THYN1: variants seen among roughly 807,000 people sequenced by gnomAD.
THYN1 encodes the protein thymocyte nuclear protein 1.
THYN1 carries 32 observed loss-of-function variants against 30.6 expected under a neutral mutation model. That is an observed-to-expected ratio of 1.05 (90% confidence interval 0.79 to 1.40). The LOEUF is 1.40. Ranked by LOEUF, THYN1 falls within the 40% of genes most tolerant of loss-of-function variation. THYN1 has a pLI of 0.00. For missense variants in THYN1, 259 were observed against 272.6 expected (o/e 0.95, Z 0.35); for synonymous variants, 107 against 90.8 (o/e 1.18, Z -1.01).
chr11:134,251,525 G>A (rs1416243471), intron 1 of THYN1: 14 of 537,196 alleles, frequency 2.6e-5, no homozygotes, highest in Admixed American at 3.6e-5. Flanking sequence ...TATTCAATAG[G>A]GTAAGAACAC....
At position 134,253,176 on chromosome 11, in the gene THYN1, G is replaced by A. The variant is rs573453566; in HGVS notation, c.-294C>T. On this transcript the variant is annotated 5_prime_UTR_variant, in exon 1 of 7. Coordinates refer to ENST00000341541, the MANE Select transcript of THYN1 (RefSeq NM_014174.3). ...CTCAGTATGTAGTTCACTGGGAAGTGGCTCCACAGAGACACTTTTGTTGGG... is the reference window on the plus strand; with the variant it reads ...CTCAGTATGTAGTTCACTGGGAAGTAGCTCCACAGAGACACTTTTGTTGGG... 7.5e-7 allele frequency: 1 copy of A among 1,335,640 alleles called. No homozygotes were observed. Among genetic ancestry groups the A allele is most frequent in the South Asian group, 1.9e-5 (1 of 52,268 alleles). 82.7% of individuals were successfully genotyped at this position (1,335,640 alleles called of 1,614,324 possible).
chr11:134,250,439 G>A (rs1212975641), intron 2 of THYN1, 96 bp from the exon 3 acceptor site: 4 of 1,326,478 alleles, frequency 3.0e-6, no homozygotes, highest in African/African-American at 1.4e-5. Flanking sequence ...AAATGAGAGG[G>A]GCCACTGGCT....
intron 3 of THYN1, 66 bp from the exon 4 acceptor site, chr11:134,249,986 A>G: frequency 6.7e-7 from 1 of 1,488,938 alleles, no homozygotes; most frequent in Non-Finnish European, 9.2e-7. Context: ...TTTAGCAGAA[A>G]TCAAGTCTGC....
At chr11:134,252,054 A>G (rs1939093979) in intron 1 of THYN1, among the ~76,000 whole-genome samples, 1 of 152,202 alleles carries the variant, frequency 6.6e-6, no homozygotes, top group African/African-American at 2.4e-5. Context: ...CACATCCAGT[A>G]ATGGTGGAAT....
chr11:134,248,470 C>T lies in THYN1; in HGVS notation c.646G>A (p.Val216Ile). ...GGTTCCTTTTCCTCCAGGCTCAAAACAAAATCAAACTCTTCTACAAAAAAA... is the reference window on the plus strand; with the variant it reads ...GGTTCCTTTTCCTCCAGGCTCAAAATAAAATCAAACTCTTCTACAAAAAAA... ...QPLTQEEFDF[V>I]LSLEEKEPS The change falls in exon 7 of 7, where the codon GTT becomes ATT. Residue 216 changes from valine (V) to isoleucine (I), a missense_variant. Physicochemically the swap from Val to Ile is conservative, Grantham distance 29. Transcript: ENST00000341541. 1 of 1,612,452 alleles carries T rather than the reference C, an allele frequency of 6.2e-7. No individual in the cohort carries two copies.
rs372783800 is a variant in THYN1, at chr11:134,248,980, T to A, written c.481-21A>T. On this transcript the variant is annotated intron_variant, in intron 5 of 6. Transcript: ENST00000341541. ...TCCACCTATGTGACAACAGTGTACA[T>A]GACAGAAAGACGTGTCTAGGCTGAC... 3.1e-6 allele frequency: 5 copies of A among 1,613,826 alleles called. No homozygotes were observed. The South Asian group carries it at 5.5e-5, about 18-fold the overall frequency.
chr11:134,252,862 C>A lies in THYN1; in HGVS notation c.21G>T (p.Arg7Ser), dbSNP rs1192196259. Reference protein sequence around the residue: MSRPRKRLAGTSGSDKG... With the variant: MSRPRKSLAGTSGSDKG... ...CACCTGAACCAGAAGTCCCAGCCAGCCTCTTCCGGGGTCTCGACATGGTCA... is the reference window on the plus strand; with the variant it reads ...CACCTGAACCAGAAGTCCCAGCCAGACTCTTCCGGGGTCTCGACATGGTCA... The change falls in exon 1 of 7, where the codon AGG becomes AGT. Residue 7 changes from arginine (R) to serine (S), a missense_variant. Arg to Ser is a moderately radical substitution (Grantham distance 110, BLOSUM62 -1). Transcript: ENST00000341541. 6.2e-7 allele frequency: 1 copy of A among 1,608,918 alleles called. No homozygotes were observed. The highest frequency in any genetic ancestry group is 2.2e-5 in the East Asian group (1 of 44,748).
Position 134,248,962 on chromosome 11 carries a change from ATG to A in THYN1, c.481-5_481-4del. On this transcript the variant is annotated splice_polypyrimidine_tract_variant and splice_region_variant and intron_variant, in intron 5 of 6. Coordinates refer to ENST00000341541, the MANE Select transcript of THYN1 (RefSeq NM_014174.3). The stretch of plus-strand genomic sequence containing the variant: ...ATCCGAACAAACTGTACATCCACCT[ATG>A]TGACAACAGTGTACATGACAGAAAG... 6.2e-7 allele frequency: 1 copy of A among 1,614,202 alleles called. No homozygotes were observed. Among genetic ancestry groups the A allele is most frequent in the African/African-American group, 1.3e-5 (1 of 75,060 alleles).
rs1939194088 is a variant in THYN1, at chr11:134,252,993, G to A, written c.-111C>T. ...GCAGAGCGAGATGGAGGCAACGAGAGGCAGCCTAGAACGTCTCCAACTTTT... is the reference window on the plus strand; with the variant it reads ...GCAGAGCGAGATGGAGGCAACGAGAAGCAGCCTAGAACGTCTCCAACTTTT... On this transcript the variant is annotated 5_prime_UTR_variant, in exon 1 of 7. Transcript: ENST00000341541. 2 of 1,480,538 alleles carry A rather than the reference G, an allele frequency of 1.4e-6. No homozygotes were observed. The highest frequency in any genetic ancestry group is 2.5e-5 in the Admixed American group (1 of 39,966). 91.7% of individuals were successfully genotyped at this position (1,480,538 alleles called of 1,614,324 possible).
chr11:134,250,543 GC>G (rs1247757160), intron 2 of THYN1, among the ~76,000 whole-genome samples, 200 bp from the exon 3 acceptor site: 114 of 152,196 alleles, frequency 7.5e-4, no homozygotes, highest in African/African-American at 2.6e-3. Context: ...TGTTATCCTT[GC>G]TAATTATGAG....
At position 134,249,928 on chromosome 11, in the gene THYN1, G is replaced by T. The variant is rs370670580; in HGVS notation, c.292-8C>A. ...TCTAAGGAAGTTCCGAGCCTGTCCC[G>T]GGAGAAGAAAGAGTAACTATCCTCC... On this transcript the variant is annotated splice_region_variant and splice_polypyrimidine_tract_variant and intron_variant, in intron 3 of 6. Transcript: ENST00000341541. 6.2e-7 allele frequency: 1 copy of T among 1,610,294 alleles called. No homozygotes were observed. Among genetic ancestry groups the T allele is most frequent in the South Asian group, 1.1e-5 (1 of 90,732 alleles).
chr11:134,249,744 C>T, intron 4 of THYN1, 84 bp downstream of exon 4: 2 of 1,359,900 alleles, frequency 1.5e-6, no homozygotes, highest in Admixed American at 4.0e-5. Context: ...TTTTTGTTGC[C>T]TAATTAAGGT....
chr11:134,253,032 G>C lies in THYN1; in HGVS notation c.-150C>G. ...TCTCCAACTTTTGCGAAACACAGAC[G>C]CCTACGTTTGAGCCCTCAAATCCTT... On this transcript the variant is annotated 5_prime_UTR_variant, in exon 1 of 7. Coordinates refer to ENST00000341541, the MANE Select transcript of THYN1 (RefSeq NM_014174.3). 10 of 1,416,820 alleles carry C rather than the reference G, an allele frequency of 7.1e-6. No individual in the cohort carries two copies. Among genetic ancestry groups the C allele is most frequent in the Non-Finnish European group, 9.2e-6 (10 of 1,091,148 alleles). The allele number at this position is 1,416,820 out of a possible 1,614,324, so 87.8% of individuals were successfully genotyped here.
rs1938906865 is a variant in THYN1, at chr11:134,248,834, T to C, written c.606A>G (p.Arg202=). ...LKNMVLFTRQ[R]LSIQPLTQEE... ...CCTGGGTCAGGGGCTGGATTGATAA[T>C]CTCTGGCGAGTGAAGAGAACCATAT... The change falls in exon 6 of 7, where the codon AGA becomes AGG. Residue 202 remains arginine, a synonymous_variant. Transcript: ENST00000341541. The C allele has an allele frequency of 1.2e-6, 2 of 1,614,068 alleles. No homozygotes were observed. Among genetic ancestry groups the C allele is most frequent in the Admixed American group, 3.3e-5 (2 of 60,002 alleles).
At chr11:134,252,768 A>G (rs1939161933) in intron 1 of THYN1, 72 bp downstream of exon 1, 1 of 1,553,922 alleles carries the variant, frequency 6.4e-7, no homozygotes, top group South Asian at 1.1e-5. Context: ...GGAGTGAAAA[A>G]TGAGTACTAA....
chr11:134,248,444 T>C lies in THYN1; in HGVS notation c.672A>G (p.Pro224=), dbSNP rs1266919115. Reference sequence around the variant, plus strand: ...TCCAGCAGCAGTATCTCAGTTAACTTGGTTCCTTTTCCTCCAGGCTCAAAA... The same window carrying C: ...TCCAGCAGCAGTATCTCAGTTAACTCGGTTCCTTTTCCTCCAGGCTCAAAA... The part of the protein sequence containing the change: ...DFVLSLEEKE[P]S Residue 224 remains proline, a synonymous_variant, in exon 7 of 7, where the codon CCA becomes CCG. Coordinates refer to ENST00000341541, the MANE Select transcript of THYN1 (RefSeq NM_014174.3). The C allele has an allele frequency of 2.5e-6, 4 of 1,613,958 alleles. No individual in the cohort carries two copies.
At position 134,248,451 on chromosome 11, in the gene THYN1, T is replaced by A. The variant is rs1195893595; in HGVS notation, c.665A>T (p.Lys222Met). The A allele has an allele frequency of 3.1e-6, 5 of 1,614,026 alleles. No individual in the cohort carries two copies. The highest frequency in any genetic ancestry group is 4.2e-6 in the Non-Finnish European group (5 of 1,179,980). ...GCAGTATCTCAGTTAACTTGGTTCC[T>A]TTTCCTCCAGGCTCAAAACAAAATC... Reference protein sequence around the residue: ...EFDFVLSLEEKEPS With the variant: ...EFDFVLSLEEMEPS The change falls in exon 7 of 7, where the codon AAG (lysine) becomes ATG (methionine). Residue 222 changes from lysine (K) to methionine (M), a missense_variant. Transcript: ENST00000341541.
intron 1 of THYN1, chr11:134,251,533 C>A: frequency 1.9e-6 from 1 of 523,968 alleles, no homozygotes; most frequent in Non-Finnish European, 3.3e-6. Context: ...AGGGTAAGAA[C>A]ACCTTACAGG....
At position 134,248,916 on chromosome 11, in the gene THYN1, A is replaced by AG; in HGVS notation, c.523dup (p.Leu175ProfsTer3). The stretch of plus-strand genomic sequence containing the variant: ...TTGATGATAGGATTTGAGCTCAGCC[A>AG]GGGGAATGAAACGTTTCATCATCCG... On this transcript the variant is annotated frameshift_variant, in exon 6 of 7. Transcript: ENST00000341541. LOFTEE classifies it high-confidence loss of function. 6.2e-7 allele frequency: 1 copy of AG among 1,614,228 alleles called. No homozygotes were observed. The highest frequency in any genetic ancestry group is 8.5e-7 in the Non-Finnish European group (1 of 1,180,042).
Sources: gnomAD v4.1 joint callset for allele counts (sites outside exome capture counted in the v4.1 genomes callset) on GRCh38, gnomAD v4.1.1 for gene constraint, MANE v1.5 for transcripts, NCBI Gene and HGNC (gene_info 2026-07-23, HGNC 2026-07-21) for gene names.